TTN: variants seen among roughly 807,000 people sequenced by gnomAD.
TTN encodes titin.
A neutral mutation model predicts 3,223.0 loss-of-function variants in TTN; 1,525 were observed. That is an observed-to-expected ratio of 0.47 (90% CI 0.45 to 0.49). The LOEUF is 0.49. Ranked by LOEUF, TTN falls within the 20% of genes least tolerant of loss-of-function variation. The probability of loss-of-function intolerance (pLI) is 0.00; values close to 1 mark genes in which losing one functional copy is unlikely to be tolerated. For synonymous variants in TTN, 14,094 were observed against 15,161.0 expected (o/e 0.93, Z 5.17); for missense variants, 40,786 against 43,424.0 (o/e 0.94, Z 5.40).
chr2:178,599,559 A>T lies in TTN; in HGVS notation c.56342T>A (p.Val18781Asp). ...CCAAACCATGCAGTCTTTACCCAGG[A>T]CATTCAGTCTCATCTCCTTTGATGC... ...GTASKEMRLN[V>D]LGRPGPPVGP... The change falls in exon 289 of 363, where the codon GTC (valine) becomes GAC (aspartate). Residue 18781 changes from valine to aspartate, a missense_variant. By Grantham distance (152) the Val-to-Asp change is radical. Transcript: ENST00000589042. 6.4e-7 allele frequency: 1 copy of T among 1,563,728 alleles called. No individual in the cohort carries two copies. Among genetic ancestry groups the T allele is most frequent in the Non-Finnish European group, 8.7e-7 (1 of 1,155,598 alleles).
At chr2:178,699,784 T>TG (rs1176179003) in intron 111 of TTN, among the ~76,000 whole-genome samples, 7 of 137,792 alleles carry the variant, frequency 5.1e-5, no homozygotes, top group African/African-American at 1.6e-4. Flanking sequence ...TGGAGTGCAG[T>TG]GGCTCGATCT....
At position 178,720,411 on chromosome 2, in the gene TTN, G is replaced by A. The variant is rs745569991; in HGVS notation, c.23351C>T (p.Thr7784Met). 1.2e-6 allele frequency: 2 copies of A among 1,613,090 alleles called. No homozygotes were observed. Among genetic ancestry groups the A allele is most frequent in the South Asian group, 1.1e-5 (1 of 90,950 alleles). ...TTTGAACTTGACAGAGCAAGAACAC[G>A]TGTCACTTCCCACCTCATTAGTAGC... ...CKATNEVGSD[T>M]CSCSVKFKEP... The change falls in exon 80 of 363, where the codon ACG (threonine) becomes ATG (methionine). Residue 7784 changes from threonine to methionine, a missense_variant. Transcript: ENST00000589042.
chr2:178,649,953 A>T, intron 210 of TTN, 59 bp from the exon 211 acceptor site: 1 of 1,542,428 alleles, frequency 6.5e-7, no homozygotes, highest in Non-Finnish European at 8.8e-7. Context: ...TTTAATGCTA[A>T]TGAATGAATT....
At position 178,699,383 on chromosome 2, in the gene TTN, C is replaced by CTTTTTTTTTTTTTTTTTTTTTT. The variant is rs59989386; in HGVS notation, c.30683-491_30683-470dup. ...TTTGTATTCATGAATAAATAACACT[C>CTTTTTTTTTTTTTTTTTTTTTT]TTTTTTTTTTTTTTTTTTTTTTTTT... On this transcript the variant is annotated intron_variant, in intron 111 of 362. Transcript: ENST00000589042. 4.5e-5 allele frequency among the ~76,000 whole-genome samples: 2 copies of CTTTTTTTTTTTTTTTTTTTTTT among 44,858 alleles called. 1 individual carries two copies. Among genetic ancestry groups the CTTTTTTTTTTTTTTTTTTTTTT allele is most frequent in the Non-Finnish European group, 8.7e-5 (2 of 22,888 alleles). 29.4% of individuals were successfully genotyped at this position (44,858 alleles called of 152,430 possible). A position where few individuals can be genotyped will look rare whatever the true frequency, so the allele number is the denominator to read the frequency against.
chr2:178,752,139 A>G, intron 47 of TTN: 1 of 1,005,116 alleles, frequency 9.9e-7, no homozygotes, highest in South Asian at 1.5e-5. Flanking sequence ...ATTGCATGCT[A>G]CAGATCTCAC....
intron 135 of TTN, among the ~76,000 whole-genome samples, chr2:178,682,490 A>C (rs145709944): frequency 2.0e-5 from 3 of 152,226 alleles, no homozygotes; most frequent in Middle Eastern, 3.4e-3. Context: ...CAAAAGTCTA[A>C]CAATAACCTT....
At chr2:178,764,936 AT>A in intron 41 of TTN, 125 bp from the exon 42 acceptor site, 4 of 1,034,918 alleles carry the variant, frequency 3.9e-6, no homozygotes, top group Non-Finnish European at 5.6e-6. Context: ...GAATTGTGGT[AT>A]TTTTACTTGC....
At position 178,704,792 on chromosome 2, in the gene TTN, A is replaced by C. The variant is rs754060656; in HGVS notation, c.29695-15T>G. 6.2e-7 allele frequency: 1 copy of C among 1,606,864 alleles called. No individual in the cohort carries two copies. Among genetic ancestry groups the C allele is most frequent in the South Asian group, 1.1e-5 (1 of 90,116 alleles). Reference sequence around the variant, plus strand: ...AGAGTGACAGGCTAGGAGAATAAAGAATTAAAACACATTTGTTACTCCTTC... The same window carrying C: ...AGAGTGACAGGCTAGGAGAATAAAGCATTAAAACACATTTGTTACTCCTTC... On this transcript the variant is annotated splice_polypyrimidine_tract_variant and intron_variant, in intron 104 of 362. Transcript: ENST00000589042.
intron 67 of TTN, 37 bp downstream of exon 67, chr2:178,728,073 G>C: frequency 1.3e-6 from 2 of 1,513,724 alleles, no homozygotes; most frequent in Non-Finnish European, 1.8e-6. Context: ...AGAAGCATTC[G>C]CAAGGAAGAA....
chr2:178,685,606 G>T lies in TTN; in HGVS notation c.32312-8C>A, dbSNP rs1447857303. The stretch of plus-strand genomic sequence containing the variant: ...CCTCAGGCTCTTCCATCACTTTAAA[G>T]ACAGCAGTTTTAAAGAAGATAAATT... On this transcript the variant is annotated splice_polypyrimidine_tract_variant and splice_region_variant and intron_variant, in intron 127 of 362. Transcript: ENST00000589042. 3 of 1,611,862 alleles carry T rather than the reference G, an allele frequency of 1.9e-6. No homozygotes were observed. The highest frequency in any genetic ancestry group is 2.5e-6 in the Non-Finnish European group (3 of 1,178,646).
chr2:178,537,109 T>C lies in TTN; in HGVS notation c.100000A>G (p.Lys33334Glu). ...ACCAATTGCCATTCAGCCCCCTCCT[T>C]GGCCTCACATTTTTCCACCACATAG... The part of the protein sequence containing the change: ...TNYVVEKCEA[K>E]EGAEWQLVSS... Residue 33334 changes from lysine to glutamate, a missense_variant, in exon 356 of 363, where the codon AAG becomes GAG. Lys to Glu is a moderately conservative substitution (Grantham distance 56). Coordinates refer to ENST00000589042, the MANE Select transcript of TTN (RefSeq NM_001267550.2). 1.2e-6 allele frequency: 2 copies of C among 1,613,332 alleles called. No individual in the cohort carries two copies. The highest frequency in any genetic ancestry group is 1.7e-6 in the Non-Finnish European group (2 of 1,179,602).
intron 216 of TTN, among the ~76,000 whole-genome samples, 174 bp downstream of exon 216, chr2:178,646,311 G>A (rs1225378411): frequency 1.3e-5 from 2 of 150,928 alleles, no homozygotes; most frequent in Non-Finnish European, 3.0e-5. Context: ...CAGTTGACAT[G>A]AGAGAAACAG....
chr2:178,767,717 AC>A (rs1404372927), intron 40 of TTN, 41 bp downstream of exon 40: 1 of 1,606,552 alleles, frequency 6.2e-7, no homozygotes, highest in Non-Finnish European at 8.5e-7. Context: ...TAGATTATGG[AC>A]TACTGATGAT....
In TTN at chr2:178,559,747, G is replaced by A; in HGVS notation, c.86385C>T (p.Leu28795=). 1 of 1,599,348 alleles carries A rather than the reference G, an allele frequency of 6.3e-7. No homozygotes were observed. Among genetic ancestry groups the A allele is most frequent in the Non-Finnish European group, 8.5e-7 (1 of 1,172,190 alleles). The change falls in exon 326 of 363, where the codon CTC becomes CTT. Residue 28795 remains leucine, a synonymous_variant. Coordinates refer to ENST00000589042, the MANE Select transcript of TTN (RefSeq NM_001267550.2). ...TGGTATCAACATAAGCTCTAGTACG[G>A]AGGTCAGTGTCTGGCTTACTCCACA... ...NVLWSKPDTD[L]RTRAYVDTTD...
chr2:178,750,015 G>C, intron 47 of TTN: 1 of 1,613,216 alleles, frequency 6.2e-7, no homozygotes, highest in Non-Finnish European at 8.5e-7. Flanking sequence ...TTAGGTTCCA[G>C]CTCCTCAGTT....
At position 178,612,901 on chromosome 2, in the gene TTN, G is replaced by A. The variant is rs747514142; in HGVS notation, c.49820C>T (p.Thr16607Ile). 2 of 1,612,566 alleles carry A rather than the reference G, an allele frequency of 1.2e-6. No homozygotes were observed. Among genetic ancestry groups the A allele is most frequent in the East Asian group, 2.2e-5 (1 of 44,558 alleles). ...EWVRVAEGVP[T>I]TQHLLPGLME... is the part of the protein sequence containing the mutation. ...GAGCCCTGGGAGCAAGTGCTGAGTGGTGGGAACCCCTTCCGCCACTCTGAC... is the reference window on the plus strand; with the variant it reads ...GAGCCCTGGGAGCAAGTGCTGAGTGATGGGAACCCCTTCCGCCACTCTGAC... The change falls in exon 265 of 363, where the codon ACC (threonine) becomes ATC (isoleucine). Residue 16607 changes from threonine to isoleucine, a missense_variant. Physicochemically the swap from Thr to Ile is moderately conservative, Grantham distance 89. Coordinates refer to ENST00000589042, the MANE Select transcript of TTN (RefSeq NM_001267550.2).
Position 178,530,416 on chromosome 2 carries a change from G to A in TTN, c.106199C>T (p.Thr35400Ile), listed in dbSNP as rs906681609. Residue 35400 changes from threonine to isoleucine, a missense_variant, in exon 358 of 363, where the codon ACT (threonine) becomes ATT (isoleucine). Transcript: ENST00000589042. Reference protein sequence around the residue: ...SETKKSDQKTTESTVTRKTEP... With the variant: ...SETKKSDQKTIESTVTRKTEP... ...AGTTTTTCTGGTTACTGTTGACTCA[G>A]TGGTTTTCTGATCTGATTTCTTAGT... is the stretch of plus-strand genomic sequence containing the variant. The A allele has an allele frequency of 3.7e-6, 6 of 1,613,884 alleles. No individual in the cohort carries two copies. Among genetic ancestry groups the A allele is most frequent in the Non-Finnish European group, 4.2e-6 (5 of 1,179,888 alleles).
Position 178,741,705 on chromosome 2 carries a change from A to G in TTN, c.11528T>C (p.Val3843Ala), listed in dbSNP as rs766747906. 3 of 1,613,640 alleles carry G rather than the reference A, an allele frequency of 1.9e-6. No homozygotes were observed. The East Asian group carries it at 6.7e-5, about 36-fold the overall frequency. The change falls in exon 48 of 363, where the codon GTC becomes GCC. Residue 3843 changes from valine (V) to alanine (A), a missense_variant. Transcript: ENST00000589042. Reference sequence around the variant, plus strand: ...AATTTTAGGTTTGGGGATGCCAATGACAGTTACAGACAGTGTAGCCACATC... The same window carrying G: ...AATTTTAGGTTTGGGGATGCCAATGGCAGTTACAGACAGTGTAGCCACATC... ...MGDVATLSVT[V>A]IGIPKPKIQW... is the part of the protein sequence containing the mutation.
Position 178,527,264 on chromosome 2 carries a change from A to C in TTN, c.107724T>G (p.Ile35908Met). The C allele has an allele frequency of 1.9e-6, 3 of 1,610,604 alleles. No individual in the cohort carries two copies. The highest frequency in any genetic ancestry group is 2.5e-6 in the Non-Finnish European group (3 of 1,177,356). The change falls in exon 363 of 363, where the codon ATT becomes ATG. Residue 35908 changes from isoleucine to methionine, a missense_variant. Transcript: ENST00000589042. ...KIEALPSDIS[I>M]DEGKVLTVAC... The stretch of plus-strand genomic sequence containing the variant: ...CTACTGTTAGAACTTTGCCTTCATC[A>C]ATGCTGATATCAGATGGAAGAGCTT...
Sources: gnomAD v4.1 joint callset for allele counts (sites outside exome capture counted in the v4.1 genomes callset) on GRCh38, gnomAD v4.1.1 for gene constraint, MANE v1.5 for transcripts, NCBI Gene and HGNC (gene_info 2026-07-23, HGNC 2026-07-21) for gene names.